Variants in ZNF26 observed in about 807,000 individuals in gnomAD.
The protein encoded by ZNF26 is zinc finger protein 26.
A neutral mutation model predicts 54.9 loss-of-function variants in ZNF26; 32 were observed. The ratio of observed to expected loss-of-function variants is 0.58; its 90% CI spans 0.44 to 0.78. The LOEUF is 0.78. Ranked by LOEUF, ZNF26 falls within the 30% of genes least tolerant of loss-of-function variation. The pLI is 0.00. For synonymous variants in ZNF26, 221 were observed against 209.2 expected (o/e 1.06, Z -0.49); for missense variants, 524 against 634.0 (o/e 0.83, Z 1.86).
chr12:132,998,491 G>A (rs952463935), intron 1 of ZNF26, among the ~76,000 whole-genome samples: 20 of 152,062 alleles, frequency 1.3e-4, no homozygotes, highest in African/African-American at 4.6e-4. Context: ...AAGGAATTTT[G>A]GATTCGACTT....
At position 133,026,519 on chromosome 12, in the gene ZNF26, C is replaced by CTTTTTTTTTTTTTTTTTTTTTTTTTTTT; in HGVS notation, c.*15063_*15064insTTTTTTTTTTTTTTTTTTTTTTTTTTTT. On this transcript the variant is annotated 3_prime_UTR_variant, in exon 4 of 4. Transcript: ENST00000328654. The stretch of plus-strand genomic sequence containing the variant: ...AAAAGGACAACTTCATATAGTTCAA[C>CTTTTTTTTTTTTTTTTTTTTTTTTTTTT]TTTTTTTTTTTTTTTTTTTTTTTTT... The CTTTTTTTTTTTTTTTTTTTTTTTTTTTT allele has an allele frequency of 8.2e-6, 1 of 122,466 alleles. No homozygotes were observed. The highest frequency in any genetic ancestry group is 1.6e-5 in the Non-Finnish European group (1 of 61,450). 7.6% of individuals were successfully genotyped at this position (122,466 alleles called of 1,614,324 possible).
At position 133,013,842 on chromosome 12, in the gene ZNF26, G is replaced by T. The variant is rs1953527447; in HGVS notation, c.*2361G>T. 1.3e-5 allele frequency: 2 copies of T among 154,470 alleles called. No homozygotes were observed. The highest frequency in any genetic ancestry group is 4.8e-5 in the African/African-American group (2 of 41,500). The allele number at this position is 154,470 out of a possible 1,614,324, so 9.6% of individuals were successfully genotyped here. ...TTGCACTGCAGATGCTTCATTTAAG[G>T]CTATAGAGTAGATGTTGGCAATATA... is the stretch of plus-strand genomic sequence containing the variant. On this transcript the variant is annotated 3_prime_UTR_variant, in exon 4 of 4. Coordinates refer to ENST00000328654, the MANE Select transcript of ZNF26 (RefSeq NM_019591.4).
Position 133,016,369 on chromosome 12 carries a change from G to T in ZNF26, c.*4888G>T, listed in dbSNP as rs984767153. On this transcript the variant is annotated 3_prime_UTR_variant, in exon 4 of 4. Transcript: ENST00000328654. ...ATTACAGGCATGAGCCATCGTACCC[G>T]GCCAGAGCATCCTTAATTTTTAAAA... The T allele has an allele frequency of 6.6e-6, 1 of 150,768 alleles. No homozygotes were observed. Among genetic ancestry groups the T allele is most frequent in the Non-Finnish European group, 1.5e-5 (1 of 67,812 alleles). The allele number at this position is 150,768 out of a possible 1,614,324, so 9.3% of individuals were successfully genotyped here.
chr12:132,993,481 T>TA (rs1472977601), intron 1 of ZNF26, among the ~76,000 whole-genome samples: 2 of 151,634 alleles, frequency 1.3e-5, no homozygotes, highest in Admixed American at 6.6e-5. Context: ...TTTTATTTTT[T>TA]TTTTTGAGAT....
rs1370730783 is a variant in ZNF26 at position 133,013,239 on chromosome 12, C to A, written c.*1758C>A. 6.6e-6 allele frequency: 1 copy of A among 152,220 alleles called. No homozygotes were observed. Among genetic ancestry groups the A allele is most frequent in the East Asian group, 1.9e-4 (1 of 5,196 alleles). The allele number at this position is 152,220 out of a possible 1,614,324, so 9.4% of individuals were successfully genotyped here. On this transcript the variant is annotated 3_prime_UTR_variant, in exon 4 of 4. Coordinates refer to ENST00000328654, the MANE Select transcript of ZNF26 (RefSeq NM_019591.4). ...ACAGGCCTGAAGCCCTGAAATCTCA[C>A]CTCAGGGTGGAGTGTCAGACTTGGC...
intron 1 of ZNF26, among the ~76,000 whole-genome samples, chr12:132,997,402 A>G (rs1379700029): frequency 1.3e-5 from 2 of 152,170 alleles, no homozygotes; most frequent in Admixed American, 6.5e-5. Flanking sequence ...TCCAAGATGG[A>G]GTCCAGAACA....
rs1193426022 is a variant in ZNF26, at chr12:133,014,280, G to T, written c.*2799G>T. The T allele has an allele frequency of 4.6e-5, 7 of 152,432 alleles. No homozygotes were observed. Among genetic ancestry groups the T allele is most frequent in the African/African-American group, 1.7e-4 (7 of 41,574 alleles). 9.4% of individuals were successfully genotyped at this position (152,432 alleles called of 1,614,324 possible). ...AGTTTCTTAAAAGCTGGTTACAGCGGTGCACACCTGCAATCCCAGCTACTC... is the reference window on the plus strand; with the variant it reads ...AGTTTCTTAAAAGCTGGTTACAGCGTTGCACACCTGCAATCCCAGCTACTC... On this transcript the variant is annotated 3_prime_UTR_variant, in exon 4 of 4. Transcript: ENST00000328654.
chr12:132,994,522 G>A (rs1445233214), intron 1 of ZNF26, among the ~76,000 whole-genome samples: 2 of 152,048 alleles, frequency 1.3e-5, no homozygotes, highest in African/African-American at 2.4e-5. Flanking sequence ...CTCTCTCCTC[G>A]GAGGTAATCA....
chr12:132,993,946 C>T (rs2137219736), intron 1 of ZNF26, among the ~76,000 whole-genome samples: 1 of 152,288 alleles, frequency 6.6e-6, no homozygotes, highest in South Asian at 2.1e-4. Context: ...CCTGGACTCT[C>T]AACCTCACAA....
intron 1 of ZNF26, among the ~76,000 whole-genome samples, chr12:132,991,937 C>CA (rs1952972287): frequency 6.6e-6 from 1 of 152,116 alleles, no homozygotes; most frequent in Admixed American, 6.5e-5. Context: ...CATTTGAGGT[C>CA]AGGAGTTCGA....
rs1236463684 is a variant in ZNF26 at position 133,023,750 on chromosome 12, T to C, written c.*12269T>C. 3 of 152,242 alleles carry C rather than the reference T, an allele frequency of 2.0e-5. No individual in the cohort carries two copies. Among genetic ancestry groups the C allele is most frequent in the Non-Finnish European group, 2.9e-5 (2 of 68,052 alleles). The allele number at this position is 152,242 out of a possible 1,614,324, so 9.4% of individuals were successfully genotyped here. A position where few individuals can be genotyped will look rare whatever the true frequency, so the allele number is the denominator to read the frequency against. Reference sequence around the variant, plus strand: ...GTTTTGTTGGCTTGTGAGTCACTTGTAGCCAAAAGAATGTGGAGGAAGTGA... The same window carrying C: ...GTTTTGTTGGCTTGTGAGTCACTTGCAGCCAAAAGAATGTGGAGGAAGTGA... On this transcript the variant is annotated 3_prime_UTR_variant, in exon 4 of 4. Coordinates refer to ENST00000328654, the MANE Select transcript of ZNF26 (RefSeq NM_019591.4).
At chr12:132,992,981 A>G (rs1952995750) in intron 1 of ZNF26, among the ~76,000 whole-genome samples, 2 of 151,432 alleles carry the variant, frequency 1.3e-5, no homozygotes, top group South Asian at 2.1e-4. Flanking sequence ...TAAGCCCATC[A>G]AAGGCATTCT....
rs1453728024 is a variant in ZNF26, at chr12:133,018,425, A to T, written c.*6944A>T. On this transcript the variant is annotated 3_prime_UTR_variant, in exon 4 of 4. Coordinates refer to ENST00000328654, the MANE Select transcript of ZNF26 (RefSeq NM_019591.4). ...TCTTATTGGAATTAAGGTAGTATAAATCTGAAGTAGACTCTGATAAGTTAA... is the reference window on the plus strand; with the variant it reads ...TCTTATTGGAATTAAGGTAGTATAATTCTGAAGTAGACTCTGATAAGTTAA... 6.6e-6 allele frequency: 1 copy of T among 152,246 alleles called. No homozygotes were observed. The highest frequency in any genetic ancestry group is 1.5e-5 in the Non-Finnish European group (1 of 68,042). 9.4% of individuals were successfully genotyped at this position (152,246 alleles called of 1,614,324 possible). A position where few individuals can be genotyped will look rare whatever the true frequency, so the allele number is the denominator to read the frequency against.
chr12:132,995,398 T>G (rs1383979736), intron 1 of ZNF26: 2 of 152,090 alleles, frequency 1.3e-5, no homozygotes, highest in Non-Finnish European at 2.9e-5. Context: ...CCTTGTTTTT[T>G]TTTTTTTTTA....
At position 133,026,147 on chromosome 12, in the gene ZNF26, G is replaced by C. The variant is rs7297925; in HGVS notation, c.*14666G>C. ...GAGATGCACTCTCACTCTTTCCCAG[G>C]CTGGAGTGCAGTGGCACGATCCTGG... On this transcript the variant is annotated 3_prime_UTR_variant, in exon 4 of 4. Transcript: ENST00000328654. 0.019 allele frequency: 2,843 copies of C among 151,994 alleles called. 94 individuals are homozygous for C. The highest frequency in any genetic ancestry group is 0.066 in the African/African-American group (2,722 of 41,398). The allele number at this position is 151,994 out of a possible 1,614,324, so 9.4% of individuals were successfully genotyped here.
rs1234281567 is a variant in ZNF26, at chr12:133,020,488, CAAAA to C, written c.*9010_*9013del. The C allele has an allele frequency of 2.0e-5, 3 of 151,340 alleles. No individual in the cohort carries two copies. Among genetic ancestry groups the C allele is most frequent in the Admixed American group, 6.6e-5 (1 of 15,226 alleles). The allele number at this position is 151,340 out of a possible 1,614,324, so 9.4% of individuals were successfully genotyped here. On this transcript the variant is annotated 3_prime_UTR_variant, in exon 4 of 4. Transcript: ENST00000328654. ...TTGTTTATATATTTATATTTTGCCT[CAAAA>C]AAGGCAAAAAAGAAGATATAATAAT... is the stretch of plus-strand genomic sequence containing the variant.
chr12:133,007,217 A>G (rs1182113558), intron 2 of ZNF26, 49 bp downstream of exon 2: 3 of 1,597,840 alleles, frequency 1.9e-6, no homozygotes, highest in African/African-American at 2.7e-5. Context: ...TTAAATTGCC[A>G]TCCCTTTTTT....
At position 133,016,043 on chromosome 12, in the gene ZNF26, G is replaced by C. The variant is rs1482818082; in HGVS notation, c.*4562G>C. On this transcript the variant is annotated 3_prime_UTR_variant, in exon 4 of 4. Coordinates refer to ENST00000328654, the MANE Select transcript of ZNF26 (RefSeq NM_019591.4). ...TTTGTGAGTGTCTTGAAGATCTAAG[G>C]TTTATTGTGAAAAAGTGTAGGGGTA... 2.0e-5 allele frequency: 3 copies of C among 150,180 alleles called. No individual in the cohort carries two copies. In the East Asian group the frequency reaches 5.9e-4, roughly 29 times the overall value. 9.3% of individuals were successfully genotyped at this position (150,180 alleles called of 1,614,324 possible).
chr12:132,993,433 G>A (rs1258113500), intron 1 of ZNF26, among the ~76,000 whole-genome samples: 1 of 151,564 alleles, frequency 6.6e-6, no homozygotes, highest in Non-Finnish European at 1.5e-5. Context: ...TATCATGTCT[G>A]GTTCTGATGC....
Sources: gnomAD v4.1 joint callset for allele counts (sites outside exome capture counted in the v4.1 genomes callset) on GRCh38, gnomAD v4.1.1 for gene constraint, MANE v1.5 for transcripts, NCBI Gene and HGNC (gene_info 2026-07-23, HGNC 2026-07-21) for gene names.